LACTB2: variants seen among roughly 807,000 people sequenced by gnomAD.
LACTB2 encodes the protein endoribonuclease LACTB2.
A neutral mutation model predicts 34.8 loss-of-function variants in LACTB2; 32 were observed. The ratio of observed to expected loss-of-function variants is 0.92; its 90% CI spans 0.69 to 1.24. LACTB2 has a LOEUF of 1.24. Among genes scored for constraint, LACTB2 ranks in the 50% most tolerant of loss-of-function variants. LACTB2 has a pLI of 0.00. For synonymous variants in LACTB2, 120 were observed against 117.5 expected, an observed-to-expected ratio of 1.02 and a Z score of -0.14; for missense variants, 320 against 345.0, an observed-to-expected ratio of 0.93 and a Z score of 0.57.
At chr8:70,668,623 T>C (rs568257717) in intron 1 of LACTB2, among the ~76,000 whole-genome samples, 25 of 152,230 alleles carry the variant, frequency 1.6e-4, no homozygotes, top group Admixed American at 7.8e-4. Context: ...AAAACACCAG[T>C]GAAAGTCAAG....
intron 1 of LACTB2, 28 bp from the exon 2 acceptor site, chr8:70,661,925 C>T: frequency 1.3e-6 from 2 of 1,567,610 alleles, no homozygotes; most frequent in Non-Finnish European, 1.7e-6. Context: ...GATAATCACA[C>T]AATTGGAACA....
chr8:70,663,706 C>T (rs1448158934), intron 1 of LACTB2, among the ~76,000 whole-genome samples: 1 of 152,006 alleles, frequency 6.6e-6, no homozygotes, highest in African/African-American at 2.4e-5. Flanking sequence ...GAAGGTAAAC[C>T]CTGGAGGGAG....
rs935133372 is a variant in LACTB2, at chr8:70,637,800, G to A, written c.*60C>T. 2.5e-4 allele frequency: 263 copies of A among 1,038,150 alleles called. 1 individual carries two copies. Among genetic ancestry groups the A allele is most frequent in the Non-Finnish European group, 4.1e-5 (29 of 707,352 alleles). The allele number at this position is 1,038,150 out of a possible 1,614,324, so 64.3% of individuals were successfully genotyped here. Reference sequence around the variant, plus strand: ...TATATTCTCTATAAAATAACCTATAGTTAAGAAAACATACCATTCTCTGAA... The same window carrying A: ...TATATTCTCTATAAAATAACCTATAATTAAGAAAACATACCATTCTCTGAA... On this transcript the variant is annotated 3_prime_UTR_variant, in exon 7 of 7. Transcript: ENST00000276590.
intron 3 of LACTB2, among the ~76,000 whole-genome samples, chr8:70,651,399 A>C (rs1194456354): frequency 6.6e-6 from 1 of 152,216 alleles, no homozygotes; most frequent in Non-Finnish European, 1.5e-5. Context: ...ATGTTATATG[A>C]AAATAATTCC....
At chr8:70,651,457 C>T (rs1003088559) in intron 3 of LACTB2, among the ~76,000 whole-genome samples, 2 of 152,002 alleles carry the variant, frequency 1.3e-5, no homozygotes, top group Non-Finnish European at 2.9e-5. Flanking sequence ...CTTTGTGTGG[C>T]GATGTGTCAT....
intron 1 of LACTB2, among the ~76,000 whole-genome samples, chr8:70,667,089 A>G (rs1818539388): frequency 6.6e-6 from 1 of 152,222 alleles, no homozygotes; most frequent in Admixed American, 6.5e-5. Flanking sequence ...AGGATTATAT[A>G]CTGAATAACT....
chr8:70,661,245 G>A (rs989692098), intron 2 of LACTB2: 6 of 341,988 alleles, frequency 1.8e-5, no homozygotes, highest in African/African-American at 1.3e-4. Context: ...GTATATGATG[G>A]TGGGATGAGG....
chr8:70,645,097 TA>T (rs1417282809), intron 3 of LACTB2, among the ~76,000 whole-genome samples: 2 of 151,996 alleles, frequency 1.3e-5, no homozygotes, highest in African/African-American at 4.8e-5. Flanking sequence ...TATATACATA[TA>T]TGTTTATTTA....
At chr8:70,650,588 G>C (rs1818326187) in intron 3 of LACTB2, among the ~76,000 whole-genome samples, 1 of 151,846 alleles carries the variant, frequency 6.6e-6, no homozygotes, top group Non-Finnish European at 1.5e-5. Flanking sequence ...AAATTAGCTG[G>C]GCGTGGTGGC....
At chr8:70,653,625 G>C (rs1818373573) in intron 3 of LACTB2, 1 of 152,110 alleles carries the variant, frequency 6.6e-6, no homozygotes, top group South Asian at 2.1e-4. Context: ...GATGAATCTG[G>C]TATCTGCCTA....
intron 1 of LACTB2, among the ~76,000 whole-genome samples, chr8:70,665,808 C>T (rs1203336141): frequency 6.6e-6 from 1 of 152,154 alleles, no homozygotes; most frequent in African/African-American, 2.4e-5. Context: ...CTACCTTTTT[C>T]TATTATCAGC....
In LACTB2 at chr8:70,661,909, A is replaced by C; in HGVS notation, c.123-12T>G. The C allele has an allele frequency of 6.3e-7, 1 of 1,592,646 alleles. No individual in the cohort carries two copies. Among genetic ancestry groups the C allele is most frequent in the Non-Finnish European group, 8.6e-7 (1 of 1,169,402 alleles). ...CAATGAGGATTCTCCTGAAAATTAA[A>C]TGGAAGATAATCACACAATTGGAAC... On this transcript the variant is annotated splice_polypyrimidine_tract_variant and intron_variant, in intron 1 of 6. Coordinates refer to ENST00000276590, the MANE Select transcript of LACTB2 (RefSeq NM_016027.3).
intron 3 of LACTB2, among the ~76,000 whole-genome samples, chr8:70,647,505 G>C (rs1319751520): frequency 6.6e-6 from 1 of 152,148 alleles, no homozygotes; most frequent in Non-Finnish European, 1.5e-5. Context: ...TGCCTGCCCT[G>C]GCCTCACAAA....
chr8:70,655,920 G>C lies in LACTB2; in HGVS notation c.413+1836C>G, dbSNP rs575623154. Among the ~76,000 whole-genome samples, 5 of 152,232 alleles carry C rather than the reference G, an allele frequency of 3.3e-5. No homozygotes were observed. The South Asian group carries it at 1.0e-3, about 32-fold the overall frequency. On this transcript the variant is annotated intron_variant, in intron 3 of 6. Transcript: ENST00000276590. Reference sequence around the variant, plus strand: ...TGCAGGAGTAAGGTGGTATTGCATTGCGGTTTTGATTTGTATTTCCCTGAT... The same window carrying C: ...TGCAGGAGTAAGGTGGTATTGCATTCCGGTTTTGATTTGTATTTCCCTGAT...
At chr8:70,640,799 G>A (rs148048900) in intron 5 of LACTB2, 103 bp downstream of exon 5, 209 of 1,242,972 alleles carry the variant, frequency 1.7e-4, no homozygotes, top group Non-Finnish European at 1.9e-4. Context: ...GAAAAGTGGC[G>A]TAACTTCTGA....
At chr8:70,667,251 T>C (rs933285844) in intron 1 of LACTB2, among the ~76,000 whole-genome samples, 2 of 152,118 alleles carry the variant, frequency 1.3e-5, no homozygotes, top group Non-Finnish European at 2.9e-5. Context: ...TCAAGGAAGA[T>C]GAGAACAGAA....
intron 1 of LACTB2, among the ~76,000 whole-genome samples, chr8:70,665,587 CTTG>C (rs1289871445): frequency 7.2e-5 from 11 of 152,262 alleles, no homozygotes; most frequent in African/African-American, 1.2e-4. Context: ...CGTGCTAGAA[CTTG>C]TTAAGTGCTT....
At chr8:70,651,045 G>C (rs1818336753) in intron 3 of LACTB2, among the ~76,000 whole-genome samples, 1 of 151,840 alleles carries the variant, frequency 6.6e-6, no homozygotes, top group Non-Finnish European at 1.5e-5. Context: ...GTATTTAAGA[G>C]AACTGAAATG....
Position 70,669,159 on chromosome 8 carries a change from A to G in LACTB2, c.-39T>C. On this transcript the variant is annotated 5_prime_UTR_variant, in exon 1 of 7. Transcript: ENST00000276590. ...GCCCGCCGGCGTGTCGCCTATCTGGATACTCCAGCGCGGAAGAAGCCAACA... is the reference window on the plus strand; with the variant it reads ...GCCCGCCGGCGTGTCGCCTATCTGGGTACTCCAGCGCGGAAGAAGCCAACA... The G allele has an allele frequency of 6.2e-7, 1 of 1,607,978 alleles. No homozygotes were observed. Among genetic ancestry groups the G allele is most frequent in the Non-Finnish European group, 8.5e-7 (1 of 1,177,146 alleles).
Sources: allele counts gnomAD v4.1 joint callset (sites outside exome capture counted in the v4.1 genomes callset), GRCh38; gene constraint gnomAD v4.1.1; transcripts MANE v1.5; gene names NCBI Gene and HGNC (gene_info 2026-07-23, HGNC 2026-07-21).